The following PKN2 variants were observed in gnomAD, a reference collection of about 807,000 sequenced individuals.
The protein encoded by PKN2 is serine/threonine-protein kinase N2.
Under a neutral mutation model 119.1 loss-of-function variants are expected in PKN2, and 38 were observed. That is an observed-to-expected ratio of 0.32 (90% CI 0.25 to 0.42). The LOEUF is 0.42. Among genes scored for constraint, PKN2 ranks in the 10% least tolerant of loss-of-function variants. PKN2 has a pLI of 1.00. For missense variants in PKN2, 850 were observed against 1,165.1 expected, an observed-to-expected ratio of 0.73 and a Z score of 3.94; for synonymous variants, 390 against 384.9, an observed-to-expected ratio of 1.01 and a Z score of -0.15.
chr1:88,703,944 A>G (rs1010760886), intron 1 of PKN2, among the ~76,000 whole-genome samples: 2 of 152,168 alleles, frequency 1.3e-5, no homozygotes, highest in Non-Finnish European at 2.9e-5. Flanking sequence ...TAGAAAAAGA[A>G]TAAGAGACTT....
chr1:88,754,219 T>C (rs1177723096), intron 2 of PKN2, among the ~76,000 whole-genome samples: 1 of 152,186 alleles, frequency 6.6e-6, no homozygotes, highest in Non-Finnish European at 1.5e-5. Context: ...GTAAGATATA[T>C]TGGAGCTTAT....
chr1:88,776,742 G>GA lies in PKN2; in HGVS notation c.985+4876dup, dbSNP rs370217141. Among the ~76,000 whole-genome samples the GA allele has an allele frequency of 1.1e-3, 162 of 141,810 alleles. 2 individuals carry two copies. The highest frequency in any genetic ancestry group is 4.1e-3 in the East Asian group (20 of 4,834). 93.0% of individuals were successfully genotyped at this position (141,810 alleles called of 152,430 possible). ...GTGACAGAGTAAGACTCTGTCTTAAGAAAAAAAAAAAAAGTCCTCCTGCTT... is the reference window on the plus strand; with the variant it reads ...GTGACAGAGTAAGACTCTGTCTTAAGAAAAAAAAAAAAAAGTCCTCCTGCTT... On this transcript the variant is annotated intron_variant, in intron 6 of 21. Coordinates refer to ENST00000370521, the MANE Select transcript of PKN2 (RefSeq NM_006256.4).
chr1:88,794,963 C>G (rs1671003017), intron 8 of PKN2, among the ~76,000 whole-genome samples: 1 of 152,184 alleles, frequency 6.6e-6, no homozygotes, highest in African/African-American at 2.4e-5. Flanking sequence ...CTTCTCTGCT[C>G]TATATCCTGA....
chr1:88,804,632 A>G lies in PKN2; in HGVS notation c.1425+98A>G, dbSNP rs937982568. The G allele has an allele frequency of 2.5e-6, 3 of 1,206,688 alleles. No homozygotes were observed. In the Admixed American group the frequency reaches 6.0e-5, roughly 24 times the overall value. The allele number at this position is 1,206,688 out of a possible 1,614,324, so 74.7% of individuals were successfully genotyped here. On this transcript the variant is annotated intron_variant, in intron 9 of 21. Transcript: ENST00000370521. ...TAGAAAGAGTGTTAGGCTGAAAGAC[A>G]GATGACTTGAGTTCTTGGCTGAGCT...
chr1:88,828,121 A>G (rs1362648403), intron 18 of PKN2, among the ~76,000 whole-genome samples: 1 of 152,122 alleles, frequency 6.6e-6, no homozygotes, highest in Non-Finnish European at 1.5e-5. Flanking sequence ...TAGAATGTTG[A>G]TTTTATAATG....
At chr1:88,726,005 T>C (rs916721426) in intron 1 of PKN2, among the ~76,000 whole-genome samples, 1 of 152,226 alleles carries the variant, frequency 6.6e-6, no homozygotes, top group African/African-American at 2.4e-5. Context: ...GTCTACACAG[T>C]CATTGTTAGT....
chr1:88,719,039 A>G (rs1264245600), intron 1 of PKN2, among the ~76,000 whole-genome samples: 1 of 152,222 alleles, frequency 6.6e-6, no homozygotes, highest in East Asian at 1.9e-4. Context: ...CCACATCAGA[A>G]ATTATTTCTT....
chr1:88,751,007 G>A (rs1213884895), intron 2 of PKN2, among the ~76,000 whole-genome samples: 2 of 152,070 alleles, frequency 1.3e-5, no homozygotes, highest in African/African-American at 4.8e-5. Flanking sequence ...ACTTTTCAAT[G>A]GATCTTCATT....
chr1:88,814,672 C>A (rs759682789), intron 16 of PKN2, among the ~76,000 whole-genome samples: 1 of 152,148 alleles, frequency 6.6e-6, no homozygotes, highest in Non-Finnish European at 1.5e-5. Flanking sequence ...TATTAAACAG[C>A]AATACCAGGT....
At chr1:88,750,695 A>T (rs1035916507) in intron 2 of PKN2, among the ~76,000 whole-genome samples, 9 of 152,006 alleles carry the variant, frequency 5.9e-5, no homozygotes, top group Non-Finnish European at 1.2e-4. Context: ...CTTTTCTTGG[A>T]CAGCTATCTC....
At chr1:88,696,543 C>G (rs1666548935) in intron 1 of PKN2, among the ~76,000 whole-genome samples, 1 of 152,196 alleles carries the variant, frequency 6.6e-6, no homozygotes, top group Admixed American at 6.5e-5. Flanking sequence ...GTTCATTGCA[C>G]ATAGACCACA....
intron 1 of PKN2, among the ~76,000 whole-genome samples, chr1:88,725,916 A>G (rs565757788): frequency 2.0e-5 from 3 of 152,262 alleles, no homozygotes; most frequent in African/African-American, 7.2e-5. Context: ...TACCAATTCT[A>G]TACATATTTT....
chr1:88,718,344 C>T (rs1005796513), intron 1 of PKN2, among the ~76,000 whole-genome samples: 1 of 152,180 alleles, frequency 6.6e-6, no homozygotes, highest in Non-Finnish European at 1.5e-5. Flanking sequence ...CCACTGCTCT[C>T]CAAAGCTTTC....
At chr1:88,728,732 G>T (rs965744394) in intron 1 of PKN2, among the ~76,000 whole-genome samples, 4 of 151,972 alleles carry the variant, frequency 2.6e-5, no homozygotes, top group African/African-American at 9.7e-5. Context: ...GTTGGAGTTG[G>T]GATTTACAGA....
At position 88,833,521 on chromosome 1, in the gene PKN2, C is replaced by G; in HGVS notation, c.*73C>G. 8.9e-7 allele frequency: 1 copy of G among 1,124,114 alleles called. No homozygotes were observed. Among genetic ancestry groups the G allele is most frequent in the Non-Finnish European group, 1.3e-6 (1 of 752,938 alleles). The allele number at this position is 1,124,114 out of a possible 1,614,324, so 69.6% of individuals were successfully genotyped here. On this transcript the variant is annotated 3_prime_UTR_variant, in exon 22 of 22. Coordinates refer to ENST00000370521, the MANE Select transcript of PKN2 (RefSeq NM_006256.4). Reference sequence around the variant, plus strand: ...AAAATAGCAACCCTTCATTTGCTCTCTGTGCCACCAATAGCTTCTGAGTTT... The same window carrying G: ...AAAATAGCAACCCTTCATTTGCTCTGTGTGCCACCAATAGCTTCTGAGTTT...
chr1:88,695,610 G>A (rs1389831196), intron 1 of PKN2, among the ~76,000 whole-genome samples: 2 of 152,076 alleles, frequency 1.3e-5, no homozygotes, highest in Non-Finnish European at 2.9e-5. Flanking sequence ...GTAGTGATAC[G>A]TGCTGTTCAA....
chr1:88,761,937 T>G (rs1218285215), intron 3 of PKN2, among the ~76,000 whole-genome samples: 1 of 152,204 alleles, frequency 6.6e-6, no homozygotes, highest in African/African-American at 2.4e-5. Flanking sequence ...AAGTAAATAC[T>G]TTGTTCCTGG....
intron 1 of PKN2, among the ~76,000 whole-genome samples, chr1:88,706,853 A>G (rs889231617): frequency 2.0e-5 from 3 of 152,062 alleles, no homozygotes; most frequent in Admixed American, 6.5e-5. Context: ...TCAGTTTCCA[A>G]TTTGTGGACA....
intron 1 of PKN2, among the ~76,000 whole-genome samples, chr1:88,689,097 T>C (rs1666231544): frequency 1.3e-5 from 2 of 152,184 alleles, no homozygotes; most frequent in African/African-American, 2.4e-5. Context: ...GTTGGGAGGA[T>C]TAAAATTTTA....
Sources: gnomAD v4.1 joint callset for allele counts (sites outside exome capture counted in the v4.1 genomes callset) on GRCh38, gnomAD v4.1.1 for gene constraint, MANE v1.5 for transcripts, NCBI Gene and HGNC (gene_info 2026-07-23, HGNC 2026-07-21) for gene names.